RBFOX1: variants seen among roughly 807,000 people sequenced by gnomAD.
RBFOX1 encodes RNA binding fox-1 homolog 1.
Under a neutral mutation model 57.7 loss-of-function variants are expected in RBFOX1, and 8 were observed. The observed-to-expected ratio is 0.14, with a 90% CI of 0.08 to 0.25. RBFOX1 has a LOEUF of 0.25. Among genes scored for constraint, RBFOX1 ranks in the 10% least tolerant of loss-of-function variants. RBFOX1 has a pLI of 1.00. For synonymous variants in RBFOX1, 326 were observed against 222.4 expected (o/e 1.47, Z -4.15); for missense variants, 611 against 548.5 (o/e 1.11, Z -1.14).
At chr16:7,684,624 GA>G (rs35099150) in intron 14 of RBFOX1, among the ~76,000 whole-genome samples, 75,425 of 148,860 alleles carry the variant, frequency 0.51, 19,741 homozygotes, top group Non-Finnish European at 0.59. Flanking sequence ...GGAATTTAAA[GA>G]AAAAAAAAAA....
At chr16:6,646,784 G>T (rs1449207167) in intron 2 of RBFOX1, among the ~76,000 whole-genome samples, 2 of 152,102 alleles carry the variant, frequency 1.3e-5, no homozygotes, top group Non-Finnish European at 2.9e-5. Flanking sequence ...TGTTTAGGTT[G>T]CTTAGCAGAC....
chr16:5,770,960 C>T (rs1250561968), intron 3 of RBFOX1, among the ~76,000 whole-genome samples: 4 of 152,184 alleles, frequency 2.6e-5, no homozygotes, highest in Non-Finnish European at 5.9e-5. Context: ...ACTCTGTTTC[C>T]TGTCTCTGGC....
At chr16:6,743,453 T>C (rs994802950) in intron 3 of RBFOX1, among the ~76,000 whole-genome samples, 3 of 152,126 alleles carry the variant, frequency 2.0e-5, no homozygotes, top group Admixed American at 2.0e-4. Flanking sequence ...GACACAAATA[T>C]GTTGATAAGG....
intron 1 of RBFOX1, among the ~76,000 whole-genome samples, chr16:6,231,169 G>C (rs1488081353): frequency 6.6e-6 from 1 of 151,934 alleles, no homozygotes; most frequent in African/African-American, 2.4e-5. Flanking sequence ...CAAGGAAAAG[G>C]AAGTCGGGGC....
At chr16:7,021,460 T>C (rs2153672666) in intron 3 of RBFOX1, among the ~76,000 whole-genome samples, 1 of 146,132 alleles carries the variant, frequency 6.8e-6, no homozygotes, top group East Asian at 2.0e-4. Context: ...TATTAATTTT[T>C]AATATAATTT....
chr16:5,903,948 T>C (rs1212388893), intron 4 of RBFOX1, among the ~76,000 whole-genome samples: 1 of 152,120 alleles, frequency 6.6e-6, no homozygotes, highest in East Asian at 1.9e-4. Flanking sequence ...CACGTTTTCC[T>C]CTAAGCTGGG....
intron 2 of RBFOX1, among the ~76,000 whole-genome samples, chr16:6,324,683 C>T (rs1054738238): frequency 2.0e-5 from 3 of 152,178 alleles, no homozygotes; most frequent in South Asian, 2.1e-4. Context: ...TCACTTCTGA[C>T]GTTGAGGATT....
intron 1 of RBFOX1, among the ~76,000 whole-genome samples, chr16:5,340,202 C>T (rs1193421283): frequency 6.6e-6 from 1 of 152,066 alleles, no homozygotes; most frequent in Non-Finnish European, 1.5e-5. Context: ...ACATCTGGGG[C>T]TTTTATTCTT....
intron 4 of RBFOX1, among the ~76,000 whole-genome samples, chr16:5,937,351 C>T (rs999845579): frequency 2.6e-5 from 4 of 152,096 alleles, no homozygotes; most frequent in African/African-American, 9.7e-5. Flanking sequence ...AACTGAAGAC[C>T]TCTACCTGCC....
At chr16:6,570,251 T>A (rs1567719835) in intron 2 of RBFOX1, among the ~76,000 whole-genome samples, 1 of 152,194 alleles carries the variant, frequency 6.6e-6, no homozygotes, top group Non-Finnish European at 1.5e-5. Context: ...TGTGTATTGT[T>A]CCCCCTTCAC....
intron 3 of RBFOX1, among the ~76,000 whole-genome samples, chr16:6,748,005 T>A (rs1016305752): frequency 6.6e-6 from 1 of 152,162 alleles, no homozygotes; most frequent in South Asian, 2.1e-4. Flanking sequence ...AAGACTTAGG[T>A]TGTATGATTT....
At chr16:5,969,633 TTTTTAAGTGATATTATA>T (rs2059924265) in intron 4 of RBFOX1, among the ~76,000 whole-genome samples, 1 of 152,070 alleles carries the variant, frequency 6.6e-6, no homozygotes, top group Admixed American at 6.6e-5. Context: ...TTGTTGTTCA[TTTTTAAGTGATATTATA>T]TTTCATAAAA....
intron 2 of RBFOX1, among the ~76,000 whole-genome samples, chr16:6,339,231 T>C (rs1377475922): frequency 6.6e-6 from 1 of 152,178 alleles, no homozygotes; most frequent in Non-Finnish European, 1.5e-5. Context: ...AGGAGTGTCC[T>C]TAGAGGTGGG....
chr16:5,611,635 C>T (rs1188707496), intron 3 of RBFOX1, among the ~76,000 whole-genome samples: 2 of 152,080 alleles, frequency 1.3e-5, no homozygotes, highest in Non-Finnish European at 2.9e-5. Context: ...TCTGTTCATC[C>T]AGCCACTCTC....
chr16:7,201,831 A>G (rs2088593722), intron 4 of RBFOX1, among the ~76,000 whole-genome samples: 2 of 152,108 alleles, frequency 1.3e-5, no homozygotes, highest in Admixed American at 1.3e-4. Context: ...TGAAGTTAGG[A>G]AGCTCATTTG....
At chr16:7,058,743 G>C (rs1375488966) in intron 4 of RBFOX1, among the ~76,000 whole-genome samples, 1 of 152,140 alleles carries the variant, frequency 6.6e-6, no homozygotes, top group Non-Finnish European at 1.5e-5. Flanking sequence ...TTTTATGTGT[G>C]ACTGTTGATA....
In RBFOX1 at chr16:7,252,655, T is replaced by G. The variant is rs1024883598; in HGVS notation, c.27+200557T>G. 3.3e-5 allele frequency among the ~76,000 whole-genome samples: 5 copies of G among 152,166 alleles called. No homozygotes were observed. The South Asian group carries it at 8.3e-4, about 25-fold the overall frequency. On this transcript the variant is annotated intron_variant, in intron 4 of 15. Transcript: ENST00000550418. ...AGTTAACCTGCTTTACTCATTGGTG[T>G]CAGCTACTTGTCCTAGACGTAACCT... is the stretch of plus-strand genomic sequence containing the variant.
At chr16:6,446,688 A>G (rs1464138396) in intron 2 of RBFOX1, among the ~76,000 whole-genome samples, 1 of 152,190 alleles carries the variant, frequency 6.6e-6, no homozygotes, top group Non-Finnish European at 1.5e-5. Flanking sequence ...TATTCTAATT[A>G]ATTTAAGTTA....
rs187185932 is a variant in RBFOX1 at position 7,196,644 on chromosome 16, G to A, written c.27+144546G>A. Among the ~76,000 whole-genome samples, 3 of 152,290 alleles carry A rather than the reference G, an allele frequency of 2.0e-5. No individual in the cohort carries two copies. In the East Asian group the frequency reaches 5.8e-4, roughly 29 times the overall value. The stretch of plus-strand genomic sequence containing the variant: ...AATGCCTTCAAAGAACTTGTAGTTA[G>A]GCAAAGGAGACAGGCATGTGTGTAT... On this transcript the variant is annotated intron_variant, in intron 4 of 15. Transcript: ENST00000550418.
Sources: allele counts gnomAD v4.1 joint callset (sites outside exome capture counted in the v4.1 genomes callset), GRCh38; gene constraint gnomAD v4.1.1; transcripts MANE v1.5; gene names NCBI Gene and HGNC (gene_info 2026-07-23, HGNC 2026-07-21).